The following ASAP1 variants were observed in gnomAD, a reference collection of about 807,000 sequenced individuals.
The protein encoded by ASAP1 is arf-GAP with SH3 domain, ANK repeat and PH domain-containing protein 1.
ASAP1 carries 43 observed loss-of-function variants against 145.2 expected under a neutral mutation model. The ratio of observed to expected loss-of-function variants is 0.30; its 90% CI spans 0.23 to 0.38. The LOEUF (loss-of-function observed/expected upper bound fraction) is 0.38, where lower values mean the gene tolerates loss of function less well. Ranked by LOEUF, ASAP1 falls within the 10% of genes least tolerant of loss-of-function variation. The probability of loss-of-function intolerance (pLI) is 1.00; values close to 1 mark genes in which losing one functional copy is unlikely to be tolerated. For missense variants in ASAP1, 1,018 were observed against 1,355.3 expected, an observed-to-expected ratio of 0.75 and a Z score of 3.91; for synonymous variants, 546 against 515.5, an observed-to-expected ratio of 1.06 and a Z score of -0.80.
rs1825560731 is a variant in ASAP1, at chr8:130,344,168, T to C, written c.186+13849A>G. On this transcript the variant is annotated intron_variant, in intron 3 of 29. Transcript: ENST00000518721. ...ATAAACCACCACTTTCTTTGGCAAA[T>C]GAATTACAATGAAAAAAAGAGGGAG... is the stretch of plus-strand genomic sequence containing the variant. 2.0e-5 allele frequency among the ~76,000 whole-genome samples: 3 copies of C among 152,022 alleles called. No individual in the cohort carries two copies. The South Asian group carries it at 6.2e-4, about 32-fold the overall frequency.
At chr8:130,347,102 TC>T (rs1825742287) in intron 3 of ASAP1, among the ~76,000 whole-genome samples, 1 of 152,202 alleles carries the variant, frequency 6.6e-6, no homozygotes, top group Non-Finnish European at 1.5e-5. Flanking sequence ...CCAGAAATTT[TC>T]CGAAGACAGC....
intron 4 of ASAP1, among the ~76,000 whole-genome samples, chr8:130,226,735 T>C (rs2136556367): frequency 6.6e-6 from 1 of 152,352 alleles, no homozygotes; most frequent in East Asian, 1.9e-4. Context: ...ACAGGGCTAT[T>C]ACTCAGCATT....
intron 23 of ASAP1, among the ~76,000 whole-genome samples, chr8:130,114,401 A>G (rs1294083951): frequency 6.6e-6 from 1 of 152,224 alleles, no homozygotes; most frequent in Admixed American, 6.5e-5. Flanking sequence ...AAATAAAAAC[A>G]TGTTATATAA....
intron 27 of ASAP1, 45 bp downstream of exon 27, chr8:130,076,303 A>G (rs758641875): frequency 6.9e-7 from 1 of 1,440,384 alleles, no homozygotes; most frequent in Admixed American, 1.8e-5. Flanking sequence ...TGGAGGGGGT[A>G]GTGACACTTT....
intron 1 of ASAP1, among the ~76,000 whole-genome samples, chr8:130,411,888 C>T (rs568501364): frequency 1.1e-4 from 17 of 152,322 alleles, no homozygotes; most frequent in Admixed American, 5.9e-4. Flanking sequence ...TGGAAGTCAC[C>T]TTCCAGGAGC....
At chr8:130,333,417 C>T (rs192495164) in intron 3 of ASAP1, among the ~76,000 whole-genome samples, 47 of 152,282 alleles carry the variant, frequency 3.1e-4, no homozygotes, top group African/African-American at 1.1e-3. Context: ...GCCTGACCAA[C>T]ATGGTGAAAC....
intron 13 of ASAP1, among the ~76,000 whole-genome samples, chr8:130,143,351 C>T (rs1208386760): frequency 6.7e-6 from 1 of 150,056 alleles, no homozygotes; most frequent in Non-Finnish European, 1.5e-5. Flanking sequence ...CTCACTTTCA[C>T]ATGCAGCAAT....
intron 2 of ASAP1, among the ~76,000 whole-genome samples, chr8:130,390,375 A>T (rs1471823836): frequency 6.6e-6 from 1 of 152,210 alleles, no homozygotes; most frequent in Non-Finnish European, 1.5e-5. Flanking sequence ...CAGCCTAAAC[A>T]ATCTAGGAAT....
intron 18 of ASAP1, 74 bp downstream of exon 18, chr8:130,123,939 A>C (rs1191473915): frequency 3.7e-5 from 45 of 1,218,348 alleles, no homozygotes; most frequent in Non-Finnish European, 5.2e-5. Context: ...AAAAAAAAAA[A>C]AGAAGTTTTT....
chr8:130,378,417 G>T (rs1827603257), intron 2 of ASAP1, among the ~76,000 whole-genome samples: 1 of 152,232 alleles, frequency 6.6e-6, no homozygotes, highest in Non-Finnish European at 1.5e-5. Context: ...CCTGAAGGAG[G>T]TTAACTAGCA....
intron 3 of ASAP1, among the ~76,000 whole-genome samples, chr8:130,347,449 C>CA (rs763103467): frequency 6.6e-5 from 10 of 152,192 alleles, no homozygotes; most frequent in Non-Finnish European, 1.2e-4. Flanking sequence ...CTGATTCTCC[C>CA]AACAGCTGTG....
chr8:130,248,245 G>A (rs1050986961), intron 3 of ASAP1, among the ~76,000 whole-genome samples: 13 of 152,038 alleles, frequency 8.6e-5, no homozygotes, highest in African/African-American at 2.9e-4. Flanking sequence ...GGGGGAGTGC[G>A]GAATGAACAG....
intron 3 of ASAP1, among the ~76,000 whole-genome samples, chr8:130,330,752 C>G (rs897002326): frequency 2.0e-5 from 3 of 152,162 alleles, no homozygotes; most frequent in African/African-American, 7.2e-5. Flanking sequence ...AGACAGGGTT[C>G]TATCATTTAT....
intron 24 of ASAP1, among the ~76,000 whole-genome samples, chr8:130,097,382 C>T (rs534370790): frequency 8.3e-4 from 126 of 152,190 alleles, no homozygotes; most frequent in Non-Finnish European, 1.4e-3. Context: ...CCCTTGTTAA[C>T]GGCCCTCCCT....
intron 8 of ASAP1, among the ~76,000 whole-genome samples, chr8:130,180,039 A>G (rs1814242188): frequency 7.3e-6 from 1 of 137,190 alleles, no homozygotes; most frequent in African/African-American, 2.6e-5. Context: ...GAGGGAGGGA[A>G]GGAAGGAAGG....
At chr8:130,275,946 G>C (rs949147973) in intron 3 of ASAP1, among the ~76,000 whole-genome samples, 2 of 152,154 alleles carry the variant, frequency 1.3e-5, no homozygotes. Context: ...CAGAAGTAAA[G>C]GTACTGATAA....
intron 3 of ASAP1, among the ~76,000 whole-genome samples, chr8:130,258,698 G>A (rs1819714806): frequency 6.6e-6 from 1 of 152,150 alleles, no homozygotes; most frequent in African/African-American, 2.4e-5. Context: ...GTACATAGTA[G>A]GTGCTCAACA....
intron 7 of ASAP1, among the ~76,000 whole-genome samples, chr8:130,182,085 C>T (rs920804182): frequency 1.3e-5 from 2 of 152,174 alleles, no homozygotes; most frequent in African/African-American, 2.4e-5. Context: ...CCTTGGCAGT[C>T]GAAGAGGCAT....
At chr8:130,383,546 C>T (rs758973918) in intron 2 of ASAP1, among the ~76,000 whole-genome samples, 2 of 152,114 alleles carry the variant, frequency 1.3e-5, no homozygotes, top group Non-Finnish European at 2.9e-5. Context: ...TCATGAACTG[C>T]CTTGTTTAAT....
Sources: allele counts gnomAD v4.1 joint callset (sites outside exome capture counted in the v4.1 genomes callset), GRCh38; gene constraint gnomAD v4.1.1; transcripts MANE v1.5; gene names NCBI Gene and HGNC (gene_info 2026-07-23, HGNC 2026-07-21).